CD81: variants seen among roughly 807,000 people sequenced by gnomAD.
The protein encoded by CD81 is CD81 molecule.
Under a neutral mutation model 30.1 loss-of-function variants are expected in CD81, and 10 were observed. The ratio of observed to expected loss-of-function variants is 0.33; its 90% CI spans 0.21 to 0.56. The LOEUF (loss-of-function observed/expected upper bound fraction) is 0.56, where lower values mean the gene tolerates loss of function less well. Ranked by LOEUF, CD81 falls within the 20% of genes least tolerant of loss-of-function variation. CD81 has a pLI of 0.89. For missense variants in CD81, 263 were observed against 308.7 expected, an observed-to-expected ratio of 0.85 and a Z score of 1.11; for synonymous variants, 147 against 126.4, an observed-to-expected ratio of 1.16 and a Z score of -1.10.
intron 1 of CD81, chr11:2,386,427 C>A (rs992815092): frequency 3.0e-6 from 2 of 662,604 alleles, no homozygotes; most frequent in Non-Finnish European, 5.6e-6. Flanking sequence ...GTGCCTTTCC[C>A]ACCACGGGGC....
chr11:2,389,634 G>T (rs1270692007), intron 1 of CD81, among the ~76,000 whole-genome samples: 2 of 152,062 alleles, frequency 1.3e-5, no homozygotes, highest in Non-Finnish European at 2.9e-5. Context: ...CCTGCTTCCT[G>T]CCCCAGCTGC....
At chr11:2,394,858 TG>T in intron 3 of CD81, 113 bp from the exon 4 acceptor site, 2 of 930,854 alleles carry the variant, frequency 2.1e-6, no homozygotes, top group Non-Finnish European at 1.8e-6. Context: ...GGTCGTGGGC[TG>T]GTGGCTCCCA....
chr11:2,397,169 GC>G lies in CD81; in HGVS notation c.*305del. On this transcript the variant is annotated 3_prime_UTR_variant, in exon 8 of 8. Transcript: ENST00000263645. ...CTGCTCAGCCAGGCCTCTCCTGGGAGCCACTCGCCCAGAGACTCAGCTTGGC... is the reference window on the plus strand; with the variant it reads ...CTGCTCAGCCAGGCCTCTCCTGGGAGCACTCGCCCAGAGACTCAGCTTGGC... The G allele has an allele frequency of 2.1e-6, 1 of 469,294 alleles. No individual in the cohort carries two copies. The allele number at this position is 469,294 out of a possible 1,614,324, so 29.1% of individuals were successfully genotyped here. A position where few individuals can be genotyped will look rare whatever the true frequency, so the allele number is the denominator to read the frequency against.
At chr11:2,383,265 AG>A (rs1849732737) in intron 1 of CD81, among the ~76,000 whole-genome samples, 2 of 152,138 alleles carry the variant, frequency 1.3e-5, no homozygotes, top group Non-Finnish European at 2.9e-5. Context: ...ACGGGGTCAG[AG>A]GGGCAGCTGC....
intron 2 of CD81, chr11:2,393,816 C>G (rs1029094748): frequency 3.2e-6 from 2 of 632,088 alleles, no homozygotes; most frequent in Non-Finnish European, 5.8e-6. Context: ...GTCATCCCTG[C>G]GAAGCACCTG....
chr11:2,396,045 G>A lies in CD81; in HGVS notation c.561+75G>A, dbSNP rs1284123933. 4.2e-6 allele frequency: 4 copies of A among 958,136 alleles called. No individual in the cohort carries two copies. In the Admixed American group the frequency reaches 5.3e-5, roughly 13 times the overall value. The allele number at this position is 958,136 out of a possible 1,614,324, so 59.4% of individuals were successfully genotyped here. A position where few individuals can be genotyped will look rare whatever the true frequency, so the allele number is the denominator to read the frequency against. ...TGGGTGGGGTCCTAGGGGTGGGCAG[G>A]TCACACGGCAGCCCCACAGGGAGCG... is the stretch of plus-strand genomic sequence containing the variant. On this transcript the variant is annotated intron_variant, in intron 6 of 7. Coordinates refer to ENST00000263645, the MANE Select transcript of CD81 (RefSeq NM_004356.4).
In CD81 at chr11:2,378,902, G is replaced by A. The variant is rs1341259160; in HGVS notation, c.66+1287G>A. On this transcript the variant is annotated intron_variant, in intron 1 of 7. Transcript: ENST00000263645. This position sits in a 1 kb window ranked among gnomAD's most constrained non-coding sequence, Gnocchi z 4.9. ...CCCAGTGCGGATGATTATTTGGAGG[G>A]GGAAGGACGGAGGCTGAACTGAACT... is the stretch of plus-strand genomic sequence containing the variant. Among the ~76,000 whole-genome samples the A allele has an allele frequency of 2.0e-5, 3 of 152,246 alleles. No homozygotes were observed. The highest frequency in any genetic ancestry group is 4.4e-5 in the Non-Finnish European group (3 of 68,044).
intron 6 of CD81, chr11:2,396,234 G>A (rs761916448): frequency 2.4e-5 from 14 of 577,948 alleles, no homozygotes; most frequent in African/African-American, 9.3e-5. Flanking sequence ...CCAGCTCCAC[G>A]TGTGCACTCG....
chr11:2,396,292 C>CAT (rs1368261454), intron 6 of CD81: 4 of 568,706 alleles, frequency 7.0e-6, no homozygotes, highest in African/African-American at 1.9e-5. Flanking sequence ...GCCTGCAGGC[C>CAT]ATATAGTGCC....
rs184990654 is a variant in CD81 at position 2,378,594 on chromosome 11, G to A, written c.66+979G>A. 2.4e-4 allele frequency among the ~76,000 whole-genome samples: 35 copies of A among 143,686 alleles called. No individual in the cohort carries two copies. Among genetic ancestry groups the A allele is most frequent in the Admixed American group, 2.0e-3 (30 of 14,952 alleles). 94.3% of individuals were successfully genotyped at this position (143,686 alleles called of 152,430 possible). A position where few individuals can be genotyped will look rare whatever the true frequency, so the allele number is the denominator to read the frequency against. On this transcript the variant is annotated intron_variant, in intron 1 of 7. Transcript: ENST00000263645. This position sits in a 1 kb window ranked among gnomAD's most constrained non-coding sequence, Gnocchi z 4.9. ...TCGCCTTTTGTTTCCATTTCCTGTCGGTGTTAGAATTGGGGAGGGGGTGGA... is the reference window on the plus strand; with the variant it reads ...TCGCCTTTTGTTTCCATTTCCTGTCAGTGTTAGAATTGGGGAGGGGGTGGA...
At position 2,396,944 on chromosome 11, in the gene CD81, C is replaced by T; in HGVS notation, c.*78C>T. ...GACACTTCCGAGGGGGCCATCACCG[C>T]CTGTGTATATAACGTTTCCGGTATT... is the stretch of plus-strand genomic sequence containing the variant. On this transcript the variant is annotated 3_prime_UTR_variant, in exon 8 of 8. Coordinates refer to ENST00000263645, the MANE Select transcript of CD81 (RefSeq NM_004356.4). The T allele has an allele frequency of 1.5e-6, 2 of 1,327,938 alleles. No homozygotes were observed. The highest frequency in any genetic ancestry group is 2.2e-6 in the Non-Finnish European group (2 of 929,334). The allele number at this position is 1,327,938 out of a possible 1,614,324, so 82.3% of individuals were successfully genotyped here. A position where few individuals can be genotyped will look rare whatever the true frequency, so the allele number is the denominator to read the frequency against.
intron 1 of CD81, among the ~76,000 whole-genome samples, chr11:2,386,808 T>G (rs1048523537): frequency 6.6e-6 from 1 of 152,184 alleles, no homozygotes; most frequent in African/African-American, 2.4e-5. Flanking sequence ...TTCTGCCCTA[T>G]TAAAAGTCAC....
At chr11:2,396,385 C>A in intron 6 of CD81, 1 of 603,840 alleles carries the variant, frequency 1.7e-6, no homozygotes, top group Non-Finnish European at 3.0e-6. Flanking sequence ...TGACCGTGAT[C>A]TCAGTGGAAA....
intron 2 of CD81, among the ~76,000 whole-genome samples, chr11:2,390,743 C>T (rs544202290): frequency 6.6e-6 from 1 of 152,262 alleles, no homozygotes; most frequent in East Asian, 1.9e-4. Flanking sequence ...CAGGGGGTGG[C>T]AGCTAGGCCT....
rs1182515867 is a variant in CD81 at position 2,378,556 on chromosome 11, G to C, written c.66+941G>C. On this transcript the variant is annotated intron_variant, in intron 1 of 7. Transcript: ENST00000263645. This position sits in a 1 kb window ranked among gnomAD's most constrained non-coding sequence, Gnocchi z 4.9. ...ACCGCAGTCTTTGCTGCTGGGAAGTGACTGATGGGCTTTCGCCTTTTGTTT... is the reference window on the plus strand; with the variant it reads ...ACCGCAGTCTTTGCTGCTGGGAAGTCACTGATGGGCTTTCGCCTTTTGTTT... Among the ~76,000 whole-genome samples, 3 of 152,202 alleles carry C rather than the reference G, an allele frequency of 2.0e-5. No homozygotes were observed. Among genetic ancestry groups the C allele is most frequent in the Non-Finnish European group, 4.4e-5 (3 of 68,040 alleles).
intron 1 of CD81, among the ~76,000 whole-genome samples, chr11:2,379,861 G>C (rs1589844867): frequency 2.0e-5 from 3 of 152,296 alleles, no homozygotes; most frequent in East Asian, 3.9e-4. Context: ...ATGCCAGGCT[G>C]GGTGAGGTGG....
At chr11:2,396,174 TC>T in intron 6 of CD81, 1 of 626,218 alleles carries the variant, frequency 1.6e-6, no homozygotes, top group Non-Finnish European at 2.9e-6. Context: ...TGCTGCGCAT[TC>T]CGGGTGAAGA....
chr11:2,395,554 GC>G, intron 5 of CD81, 34 bp downstream of exon 5: 2 of 1,547,600 alleles, frequency 1.3e-6, no homozygotes, highest in Non-Finnish European at 1.8e-6. Context: ...GGGGAGCAGG[GC>G]CCCGGGAACC....
chr11:2,379,085 A>G (rs1849653995), intron 1 of CD81: 1 of 446,906 alleles, frequency 2.2e-6, no homozygotes, highest in East Asian at 7.1e-5. Context: ...CGCCTTCCCC[A>G]GGCCCGGCCC....
Sources: gnomAD v4.1 joint callset for allele counts (sites outside exome capture counted in the v4.1 genomes callset) on GRCh38, gnomAD v4.1.1 for gene constraint, Gnocchi (gnomAD v3.1) non-coding constraint, MANE v1.5 for transcripts, NCBI Gene and HGNC (gene_info 2026-07-23, HGNC 2026-07-21) for gene names.